Variants in ADK observed in about 807,000 individuals in gnomAD.
The protein encoded by ADK is N6,N6-dimethyladenosine kinase.
ADK carries 24 observed loss-of-function variants against 44.7 expected under a neutral mutation model. That is an observed-to-expected ratio of 0.54 (90% CI 0.39 to 0.76). The LOEUF (loss-of-function observed/expected upper bound fraction) is 0.76, where lower values mean the gene tolerates loss of function less well. Ranked by LOEUF, ADK falls within the 30% of genes least tolerant of loss-of-function variation. The pLI is 0.00. For missense variants in ADK, 321 were observed against 425.1 expected, an observed-to-expected ratio of 0.76 and a Z score of 2.15; for synonymous variants, 128 against 142.6, an observed-to-expected ratio of 0.90 and a Z score of 0.73.
At chr10:74,440,586 TA>T (rs1236594166) in intron 6 of ADK, among the ~76,000 whole-genome samples, 2 of 152,118 alleles carry the variant, frequency 1.3e-5, no homozygotes, top group African/African-American at 4.8e-5. Flanking sequence ...TGTTCATAAA[TA>T]AAAATAAAGA....
chr10:74,584,905 A>G (rs971156222), intron 7 of ADK, among the ~76,000 whole-genome samples: 7 of 152,206 alleles, frequency 4.6e-5, no homozygotes, highest in Non-Finnish European at 1.5e-5. Context: ...GAGTATGGGC[A>G]AGTTATGGTT....
intron 6 of ADK, among the ~76,000 whole-genome samples, chr10:74,428,787 A>G (rs934405561): frequency 3.3e-5 from 5 of 152,268 alleles, no homozygotes; most frequent in African/African-American, 1.2e-4. Flanking sequence ...AGAGAAAAAC[A>G]GCAACAATGC....
chr10:74,428,381 A>G (rs1844872602), intron 6 of ADK, among the ~76,000 whole-genome samples: 1 of 152,198 alleles, frequency 6.6e-6, no homozygotes, highest in South Asian at 2.1e-4. Context: ...AGGAAATGCT[A>G]AAAAGTAAGA....
chr10:74,539,313 C>T (rs545886795), intron 7 of ADK, among the ~76,000 whole-genome samples: 202 of 152,226 alleles, frequency 1.3e-3, no homozygotes, highest in Middle Eastern at 3.4e-3. Flanking sequence ...CAGGCATGAG[C>T]GACCAAGCCT....
rs1850097157 is a variant in ADK, at chr10:74,553,190, G to GTGTT, written c.726+27765_726+27766insGTTT. The stretch of plus-strand genomic sequence containing the variant: ...ACAAGACAATTTTTCAGCACATTGT[G>GTGTT]TTTTTTTTTTTTTTTTTTTTTTTTT... On this transcript the variant is annotated intron_variant, in intron 7 of 10. Coordinates refer to ENST00000539909, the MANE Select transcript of ADK (RefSeq NM_006721.4). Among the ~76,000 whole-genome samples the GTGTT allele has an allele frequency of 1.3e-4, 8 of 60,438 alleles. No individual in the cohort carries two copies. The East Asian group carries it at 4.1e-3, about 31-fold the overall frequency. The allele number at this position is 60,438 out of a possible 152,430, so 39.6% of individuals were successfully genotyped here. A position where few individuals can be genotyped will look rare whatever the true frequency, so the allele number is the denominator to read the frequency against.
chr10:74,684,584 A>C (rs748486569), intron 10 of ADK, among the ~76,000 whole-genome samples: 15 of 152,180 alleles, frequency 9.9e-5, no homozygotes, highest in Non-Finnish European at 2.1e-4. Flanking sequence ...GAGCCTGGGC[A>C]ACATAGTGAG....
At chr10:74,694,480 T>TTTTG (rs969152747) in intron 10 of ADK, among the ~76,000 whole-genome samples, 4 of 152,060 alleles carry the variant, frequency 2.6e-5, no homozygotes, top group African/African-American at 9.7e-5. Flanking sequence ...TTTTGGGGTT[T>TTTTG]TTTGTTTGTT....
At chr10:74,413,052 G>A (rs1844241913) in intron 6 of ADK, among the ~76,000 whole-genome samples, 1 of 150,526 alleles carries the variant, frequency 6.6e-6, no homozygotes, top group Non-Finnish European at 1.5e-5. Flanking sequence ...GAGTGAAACT[G>A]TCCCCAAAAA....
intron 6 of ADK, among the ~76,000 whole-genome samples, chr10:74,487,669 G>T (rs1333388422): frequency 6.6e-6 from 1 of 151,792 alleles, no homozygotes; most frequent in African/African-American, 2.4e-5. Context: ...GGATAAATAA[G>T]TCACAAAGCT....
chr10:74,688,679 C>G (rs184911543), intron 10 of ADK, among the ~76,000 whole-genome samples: 1 of 152,256 alleles, frequency 6.6e-6, no homozygotes, highest in East Asian at 1.9e-4. Context: ...CTTTAAGAGG[C>G]TGAGGTGAGA....
At chr10:74,315,488 T>C (rs1840587289) in intron 4 of ADK, among the ~76,000 whole-genome samples, 1 of 152,184 alleles carries the variant, frequency 6.6e-6, no homozygotes, top group South Asian at 2.1e-4. Context: ...TTGAGAGAGT[T>C]AGTGATCTGT....
At chr10:74,690,449 T>G (rs1340835330) in intron 10 of ADK, among the ~76,000 whole-genome samples, 1 of 152,140 alleles carries the variant, frequency 6.6e-6, no homozygotes, top group African/African-American at 2.4e-5. Context: ...TGAGCTGAGA[T>G]CACACCACTG....
chr10:74,322,245 G>T (rs754062931), intron 4 of ADK, among the ~76,000 whole-genome samples: 3 of 152,168 alleles, frequency 2.0e-5, no homozygotes, highest in Non-Finnish European at 4.4e-5. Context: ...TGATCAAAGA[G>T]AATTCTGTGT....
chr10:74,672,063 A>G (rs1282785946), intron 10 of ADK, among the ~76,000 whole-genome samples: 1 of 152,198 alleles, frequency 6.6e-6, no homozygotes, highest in Non-Finnish European at 1.5e-5. Flanking sequence ...TAAATAAACT[A>G]CTTCATCAAA....
At chr10:74,303,487 T>C (rs1487514166) in intron 3 of ADK, among the ~76,000 whole-genome samples, 1 of 151,790 alleles carries the variant, frequency 6.6e-6, no homozygotes, top group African/African-American at 2.4e-5. Context: ...CCCAGATGTT[T>C]TAAACTTCAG....
intron 6 of ADK, among the ~76,000 whole-genome samples, chr10:74,510,771 G>T (rs566274304): frequency 6.6e-6 from 1 of 152,088 alleles, no homozygotes; most frequent in East Asian, 1.9e-4. Flanking sequence ...GCAGTGGTGC[G>T]ATAATGACTC....
chr10:74,458,250 G>T (rs1417473810), intron 6 of ADK, among the ~76,000 whole-genome samples: 1 of 146,208 alleles, frequency 6.8e-6, no homozygotes, highest in Non-Finnish European at 1.5e-5. Flanking sequence ...TCTCACTTCA[G>T]GCTCCAAGTA....
chr10:74,603,357 A>G (rs1035896084), intron 9 of ADK, among the ~76,000 whole-genome samples: 7 of 151,986 alleles, frequency 4.6e-5, no homozygotes, highest in African/African-American at 1.5e-4. Context: ...TCCTGCACCT[A>G]TCAACCCATC....
At chr10:74,266,273 AG>A (rs755056254) in intron 3 of ADK, among the ~76,000 whole-genome samples, 8 of 152,004 alleles carry the variant, frequency 5.3e-5, no homozygotes, top group Middle Eastern at 6.3e-3. Flanking sequence ...AAAGATCGAA[AG>A]GCGGCCGGGC....
Sources: allele counts gnomAD v4.1 joint callset (sites outside exome capture counted in the v4.1 genomes callset), GRCh38; gene constraint gnomAD v4.1.1; transcripts MANE v1.5; gene names NCBI Gene and HGNC (gene_info 2026-07-23, HGNC 2026-07-21).